The following ASB7 variants were observed in gnomAD, a reference collection of about 807,000 sequenced individuals.
The protein encoded by ASB7 is ankyrin repeat and SOCS box containing 7.
ASB7 carries 4 observed loss-of-function variants against 32.5 expected under a neutral mutation model. The observed-to-expected ratio is 0.12, with a 90% confidence interval of 0.06 to 0.28. The LOEUF is 0.28. ASB7 is among the 10% of genes least tolerant of loss of function. ASB7 has a pLI of 1.00. For missense variants in ASB7, 181 were observed against 407.1 expected (o/e 0.44, Z 4.78); for synonymous variants, 172 against 155.6 (o/e 1.11, Z -0.78).
intron 2 of ASB7, among the ~76,000 whole-genome samples, chr15:100,607,151 C>CTCA (rs2039652616): frequency 1.6e-5 from 2 of 126,746 alleles, no homozygotes; most frequent in Non-Finnish European, 3.3e-5. Flanking sequence ...GCCTCCGTCT[C>CTCA]AAAAAAAAAA....
rs886094407 is a variant in ASB7 at position 100,649,833 on chromosome 15, A to G, written c.*1371A>G. On this transcript the variant is annotated 3_prime_UTR_variant, in exon 6 of 6. Transcript: ENST00000332783. Reference sequence around the variant, plus strand: ...TTTCAAATGTCCCAGTATCGTTCTTAGTGCTTTGGGAAAAAATATTTAACA... The same window carrying G: ...TTTCAAATGTCCCAGTATCGTTCTTGGTGCTTTGGGAAAAAATATTTAACA... The G allele has an allele frequency of 1.3e-5, 2 of 152,274 alleles. No individual in the cohort carries two copies. The highest frequency in any genetic ancestry group is 4.8e-5 in the African/African-American group (2 of 41,476). The allele number at this position is 152,274 out of a possible 1,614,324, so 9.4% of individuals were successfully genotyped here. A position where few individuals can be genotyped will look rare whatever the true frequency, so the allele number is the denominator to read the frequency against.
chr15:100,618,612 C>CTGTGTGTGTGG (rs1444661009), intron 4 of ASB7, among the ~76,000 whole-genome samples: 4 of 118,426 alleles, frequency 3.4e-5, no homozygotes, highest in Admixed American at 3.3e-4. Flanking sequence ...TCTCACCCTG[C>CTGTGTGTGTGG]TGTGTGTGTG....
At chr15:100,625,649 G>A (rs1213502203) in intron 4 of ASB7, among the ~76,000 whole-genome samples, 5 of 152,102 alleles carry the variant, frequency 3.3e-5, no homozygotes, top group African/African-American at 4.8e-5. Flanking sequence ...AGTCAGTGGC[G>A]TTCTAATCAG....
intron 5 of ASB7, among the ~76,000 whole-genome samples, chr15:100,634,511 AAAAG>A (rs1434724079): frequency 1.3e-5 from 2 of 152,214 alleles, no homozygotes; most frequent in Non-Finnish European, 2.9e-5. Context: ...GATTGAAAAG[AAAAG>A]AGATAGGGCC....
chr15:100,605,266 A>G (rs2039633568), intron 2 of ASB7, among the ~76,000 whole-genome samples: 1 of 152,200 alleles, frequency 6.6e-6, no homozygotes, highest in African/African-American at 2.4e-5. Context: ...TTGGGTATTT[A>G]TTTACCAACA....
At chr15:100,641,647 G>A (rs2039962445) in intron 5 of ASB7, among the ~76,000 whole-genome samples, 1 of 152,136 alleles carries the variant, frequency 6.6e-6, no homozygotes, top group Non-Finnish European at 1.5e-5. Context: ...TCCCACTAAT[G>A]GGTTTCCAGT....
At chr15:100,630,484 C>T (rs921538034) in intron 5 of ASB7, among the ~76,000 whole-genome samples, 1 of 152,156 alleles carries the variant, frequency 6.6e-6, no homozygotes, top group Admixed American at 6.5e-5. Context: ...AAGTTGTTCA[C>T]GTTTTAATTG....
intron 4 of ASB7, among the ~76,000 whole-genome samples, chr15:100,623,433 A>G (rs1455347812): frequency 6.6e-6 from 1 of 152,232 alleles, no homozygotes; most frequent in Non-Finnish European, 1.5e-5. Flanking sequence ...AAGGACACAA[A>G]TAGACATTTC....
chr15:100,643,865 G>C (rs565400132), intron 5 of ASB7, among the ~76,000 whole-genome samples: 3 of 151,960 alleles, frequency 2.0e-5, no homozygotes, highest in African/African-American at 7.2e-5. Flanking sequence ...TGGATGATAC[G>C]TTTTCATTTA....
At chr15:100,617,422 T>C (rs760784326) in intron 4 of ASB7, among the ~76,000 whole-genome samples, 3 of 152,204 alleles carry the variant, frequency 2.0e-5, no homozygotes, top group Non-Finnish European at 4.4e-5. Context: ...AGTCACTGAG[T>C]GCAAAGGTTT....
chr15:100,617,588 A>AG (rs1270054518), intron 4 of ASB7, among the ~76,000 whole-genome samples: 1 of 152,244 alleles, frequency 6.6e-6, no homozygotes, highest in Non-Finnish European at 1.5e-5. Flanking sequence ...GTATATATCC[A>AG]GACCAGGTTA....
intron 5 of ASB7, among the ~76,000 whole-genome samples, chr15:100,642,298 C>T (rs1195217714): frequency 6.6e-6 from 1 of 152,162 alleles, no homozygotes; most frequent in Admixed American, 6.5e-5. Context: ...CCTCTTGCAT[C>T]TTATCATAGA....
intron 4 of ASB7, among the ~76,000 whole-genome samples, chr15:100,624,321 A>G (rs2039818825): frequency 6.6e-6 from 1 of 152,220 alleles, no homozygotes; most frequent in Non-Finnish European, 1.5e-5. Context: ...TTCTCAGCTC[A>G]TAGAAGTGAT....
At chr15:100,622,214 A>AAAAAAGAAAAAAG (rs770493399) in intron 4 of ASB7, among the ~76,000 whole-genome samples, 3 of 151,794 alleles carry the variant, frequency 2.0e-5, no homozygotes, top group African/African-American at 2.4e-5. Flanking sequence ...AAGAAAAAAG[A>AAAAAAGAAAAAAG]AAAAAAACCC....
At chr15:100,606,756 T>TC (rs2039648501) in intron 2 of ASB7, among the ~76,000 whole-genome samples, 1 of 152,154 alleles carries the variant, frequency 6.6e-6, no homozygotes, top group South Asian at 2.1e-4. Flanking sequence ...GCTTTTTTTT[T>TC]CCTTGTGACT....
intron 5 of ASB7, among the ~76,000 whole-genome samples, chr15:100,637,840 G>A: frequency 6.6e-6 from 1 of 152,286 alleles, no homozygotes; most frequent in East Asian, 1.9e-4. Flanking sequence ...ATGAAATGCA[G>A]AAGCAGATCT....
At chr15:100,613,350 A>G (rs894519831) in intron 4 of ASB7, among the ~76,000 whole-genome samples, 2 of 152,260 alleles carry the variant, frequency 1.3e-5, no homozygotes, top group Admixed American at 6.5e-5. Flanking sequence ...GGTCATGTGA[A>G]TAATGTGAAT....
At position 100,628,607 on chromosome 15, in the gene ASB7, C is replaced by T. The variant is rs533728552; in HGVS notation, c.212-830C>T. 1.6e-4 allele frequency among the ~76,000 whole-genome samples: 25 copies of T among 152,262 alleles called. No homozygotes were observed. In the East Asian group the frequency reaches 2.7e-3, roughly 16 times the overall value. On this transcript the variant is annotated intron_variant, in intron 4 of 5. Coordinates refer to ENST00000332783, the MANE Select transcript of ASB7 (RefSeq NM_198243.3). ...CCAGCCAGGGATGCCATGGGGTGAA[C>T]GCCATCAAGAACCAACCTTTGGCTT... is the stretch of plus-strand genomic sequence containing the variant.
At chr15:100,627,211 A>G (rs1038239102) in intron 4 of ASB7, among the ~76,000 whole-genome samples, 12 of 152,234 alleles carry the variant, frequency 7.9e-5, no homozygotes, top group Non-Finnish European at 1.8e-4. Flanking sequence ...TATTTAAAAT[A>G]AGTTCCACCT....
Sources: allele counts gnomAD v4.1 joint callset (sites outside exome capture counted in the v4.1 genomes callset), GRCh38; gene constraint gnomAD v4.1.1; transcripts MANE v1.5; gene names NCBI Gene and HGNC (gene_info 2026-07-23, HGNC 2026-07-21).